The following HIGD1B variants were observed in gnomAD, a reference collection of about 807,000 sequenced individuals.
The protein encoded by HIGD1B is HIG1 domain family member 1B.
In HIGD1B, 9 loss-of-function variants were observed where a neutral mutation model predicts 8.8. That is an observed-to-expected ratio of 1.02 (90% CI 0.62 to 1.78). The LOEUF (loss-of-function observed/expected upper bound fraction) is 1.78, where lower values mean the gene tolerates loss of function less well. Among genes scored for constraint, HIGD1B ranks in the 40% most tolerant of loss-of-function variants. The pLI, the probability that HIGD1B is intolerant of heterozygous loss-of-function variation, is 0.00. For missense variants in HIGD1B, 126 were observed against 111.8 expected (o/e 1.13, Z -0.57); for synonymous variants, 47 against 38.8 (o/e 1.21, Z -0.78).
At chr17:44,847,086 G>A (rs559981897), upstream of HIGD1B, among the ~76,000 whole-genome samples, 2 of 151,960 alleles carry the variant, frequency 1.3e-5, no homozygotes, top group East Asian at 1.9e-4. Flanking sequence ...GCAGTGAGCC[G>A]AGATGGCACC....
chr17:44,846,970 C>T (rs1485745853), upstream of HIGD1B, among the ~76,000 whole-genome samples: 1 of 151,646 alleles, frequency 6.6e-6, no homozygotes, highest in African/African-American at 2.4e-5. Flanking sequence ...CCCGTCTCTA[C>T]TAAAAAAATA....
At chr17:44,846,052 C>T (rs1357364055), upstream of HIGD1B, among the ~76,000 whole-genome samples, 1 of 152,148 alleles carries the variant, frequency 6.6e-6, no homozygotes, top group Non-Finnish European at 1.5e-5. Flanking sequence ...ACTTGGGGGA[C>T]CCAGGCTTTC....
upstream of HIGD1B, among the ~76,000 whole-genome samples, chr17:44,845,020 G>A (rs1434409944): frequency 6.6e-6 from 1 of 152,178 alleles, no homozygotes; most frequent in Non-Finnish European, 1.5e-5. Context: ...CACTTTGGGA[G>A]GCCGAGGTGG....
At chr17:44,846,734 C>T (rs1271916342), upstream of HIGD1B, among the ~76,000 whole-genome samples, 1 of 149,918 alleles carries the variant, frequency 6.7e-6, no homozygotes, top group East Asian at 2.0e-4. Flanking sequence ...GTCAAGCTTG[C>T]AGGGATTGAC....
At chr17:44,845,972 GTC>G (rs2050319171), upstream of HIGD1B, among the ~76,000 whole-genome samples, 1 of 151,990 alleles carries the variant, frequency 6.6e-6, no homozygotes, top group Admixed American at 6.6e-5. Context: ...AGCCTAGAGA[GTC>G]TGTCTCTCAC....
At chr17:44,849,055 C>T (rs1329664076) in intron 1 of HIGD1B, 199 bp from the exon 2 acceptor site, 4 of 547,796 alleles carry the variant, frequency 7.3e-6, no homozygotes, top group East Asian at 3.3e-5. Context: ...GGATTACAGG[C>T]GTGAGCCACC....
chr17:44,848,303 T>A (rs1487489888), intron 1 of HIGD1B, 51 bp downstream of exon 1: 3 of 842,552 alleles, frequency 3.6e-6, no homozygotes, highest in Non-Finnish European at 6.3e-6. Flanking sequence ...CTCTGTCATG[T>A]CTCCTGGTAC....
chr17:44,849,780 AAAG>A (rs2050403545), intron 2 of HIGD1B, among the ~76,000 whole-genome samples: 2 of 151,210 alleles, frequency 1.3e-5, no homozygotes, highest in Non-Finnish European at 2.9e-5. Context: ...AAAAAAAAAA[AAAG>A]GACTGTGAAT....
At chr17:44,848,451 A>T (rs191230403) in intron 1 of HIGD1B, among the ~76,000 whole-genome samples, 199 bp downstream of exon 1, 7 of 152,368 alleles carry the variant, frequency 4.6e-5, no homozygotes, top group African/African-American at 1.7e-4. Flanking sequence ...GTGGCAGCCA[A>T]CTGAGTACAT....
chr17:44,847,365 G>A (rs981059808), upstream of HIGD1B, among the ~76,000 whole-genome samples: 12 of 152,182 alleles, frequency 7.9e-5, no homozygotes, highest in African/African-American at 2.9e-4. Flanking sequence ...CCCGGGAAGC[G>A]GAGCTTGCAG....
At chr17:44,850,475 AATC>A (rs1391270754) in exon 3 of HIGD1B, 1 of 1,055,694 alleles carries the variant, frequency 9.5e-7, no homozygotes, top group Non-Finnish European at 1.4e-6. Context: ...TTTTGAGGAA[AATC>A]AACAGACTCT....
At chr17:44,849,140 C>T in intron 1 of HIGD1B, 114 bp from the exon 2 acceptor site, 1 of 1,285,262 alleles carries the variant, frequency 7.8e-7, no homozygotes, top group Admixed American at 2.1e-5. Flanking sequence ...CCACCAGATG[C>T]TGCATAAAAC....
Position 44,848,070 on chromosome 17 carries a change from C to G in HIGD1B, c.-83C>G. 1.3e-6 allele frequency: 1 copy of G among 750,540 alleles called. No homozygotes were observed. The highest frequency in any genetic ancestry group is 1.5e-5 in the South Asian group (1 of 65,022). The allele number at this position is 750,540 out of a possible 1,614,324, so 46.5% of individuals were successfully genotyped here. On this transcript the variant is annotated 5_prime_UTR_variant, in exon 1 of 3. It adds an upstream start codon to the 5' untranslated region. Coordinates refer to ENST00000253410, the MANE Select transcript of HIGD1B (RefSeq NM_016438.4). ...TCCTTTCCTCTCCAGACTGAGGAAT[C>G]AGAGTTCTGATTGTGGAGTGCCTCT...
At chr17:44,846,676 C>T (rs1243602904), upstream of HIGD1B, among the ~76,000 whole-genome samples, 1 of 151,792 alleles carries the variant, frequency 6.6e-6, no homozygotes, top group Non-Finnish European at 1.5e-5. Context: ...CACCTGTAGT[C>T]CCAGCTACTT....
rs924099235 is a variant in HIGD1B, at chr17:44,849,992, GCTAA to G, written c.236-337_236-334del. 1.7e-4 allele frequency: 39 copies of G among 230,868 alleles called. No individual in the cohort carries two copies. In the Admixed American group the frequency reaches 1.8e-3, roughly 11 times the overall value. The allele number at this position is 230,868 out of a possible 1,614,324, so 14.3% of individuals were successfully genotyped here. A position where few individuals can be genotyped will look rare whatever the true frequency, so the allele number is the denominator to read the frequency against. The stretch of plus-strand genomic sequence containing the variant: ...GAGATTAAAAAGCAGACAGCCACTT[GCTAA>G]CTGTGTGACAGTGGACAAATCTTTC... On this transcript the variant is annotated intron_variant, in intron 2 of 2. Transcript: ENST00000253410.
intron 2 of HIGD1B, among the ~76,000 whole-genome samples, chr17:44,849,678 T>G (rs1385475860): frequency 6.8e-6 from 1 of 147,380 alleles, no homozygotes; most frequent in Non-Finnish European, 1.5e-5. Context: ...GAGAATTGCT[T>G]GAACCTGGGA....
Position 44,850,368 on chromosome 17 carries a change from G to A in HIGD1B, c.272G>A (p.Arg91Lys), listed in dbSNP as rs1189796007. The change falls in exon 3 of 3, where the codon AGG becomes AAG. Residue 91 changes from arginine (R) to lysine (K), a missense_variant. Coordinates refer to ENST00000253410, the MANE Select transcript of HIGD1B (RefSeq NM_016438.4). ...VYTMYSDYVK[R>K]MAQDAGEK is the part of the protein sequence containing the mutation. The stretch of plus-strand genomic sequence containing the variant: ...ACAATGTACAGCGATTACGTCAAGA[G>A]GATGGCACAGGATGCTGGAGAGAAG... The A allele has an allele frequency of 1.2e-6, 2 of 1,613,212 alleles. No individual in the cohort carries two copies. The highest frequency in any genetic ancestry group is 1.7e-6 in the Non-Finnish European group (2 of 1,179,564).
chr17:44,845,151 G>A (rs932738932), upstream of HIGD1B, among the ~76,000 whole-genome samples: 4 of 151,728 alleles, frequency 2.6e-5, no homozygotes, highest in South Asian at 2.1e-4. Context: ...CCAGCTACTC[G>A]GGAGGCTGAA....
At chr17:44,846,663 A>ATG (rs2050325366), upstream of HIGD1B, among the ~76,000 whole-genome samples, 1 of 151,860 alleles carries the variant, frequency 6.6e-6, no homozygotes, top group Non-Finnish European at 1.5e-5. Flanking sequence ...GCGTGGTAGC[A>ATG]TGCACCTGTA....
Sources: allele counts gnomAD v4.1 joint callset (sites outside exome capture counted in the v4.1 genomes callset), GRCh38; gene constraint gnomAD v4.1.1; transcripts MANE v1.5; gene names NCBI Gene and HGNC (gene_info 2026-07-23, HGNC 2026-07-21).